SLC2A9: variants seen among roughly 807,000 people sequenced by gnomAD.
The protein encoded by SLC2A9 is solute carrier family 2, facilitated glucose transporter member 9.
A neutral mutation model predicts 50.6 loss-of-function variants in SLC2A9; 39 were observed. The ratio of observed to expected loss-of-function variants is 0.77; its 90% CI spans 0.60 to 1.01. SLC2A9 has a LOEUF of 1.01. Ranked by LOEUF, SLC2A9 falls within the 50% of genes least tolerant of loss-of-function variation. The pLI is 0.00. For synonymous variants in SLC2A9, 324 were observed against 276.9 expected (o/e 1.17, Z -1.69); for missense variants, 686 against 677.6 (o/e 1.01, Z -0.14).
chr4:9,932,148 T>C (rs947801643), intron 6 of SLC2A9, among the ~76,000 whole-genome samples: 1 of 151,546 alleles, frequency 6.6e-6, no homozygotes, highest in Non-Finnish European at 1.5e-5. Context: ...TCTTTCTCCA[T>C]GCCTGCTTCT....
chr4:9,858,932 C>T (rs1731157432), intron 10 of SLC2A9, among the ~76,000 whole-genome samples: 2 of 152,148 alleles, frequency 1.3e-5, no homozygotes, highest in Non-Finnish European at 2.9e-5. Flanking sequence ...GTCTTCCAGC[C>T]TTCATCTTTC....
intron 8 of SLC2A9, among the ~76,000 whole-genome samples, chr4:9,895,356 GTTC>G (rs753180135): frequency 4.3e-4 from 65 of 152,350 alleles, no homozygotes; most frequent in Non-Finnish European, 9.1e-4. Context: ...TCCCGGCTCT[GTTC>G]TTCTTCCCTC....
At chr4:9,771,438 C>T (rs1177186254) in intron 1 of SLC2A9, 1 of 398,756 alleles carries the variant, frequency 2.5e-6, no homozygotes, top group Non-Finnish European at 4.4e-6. Flanking sequence ...ATCTGCAGCA[C>T]TCTGCTCACA....
intron 10 of SLC2A9, among the ~76,000 whole-genome samples, chr4:9,880,843 T>C (rs746868653): frequency 6.6e-6 from 1 of 152,210 alleles, no homozygotes. Flanking sequence ...CTGTCCCAGA[T>C]AACTGCCCTG....
intron 7 of SLC2A9, among the ~76,000 whole-genome samples, chr4:9,917,541 G>A (rs915833900): frequency 3.3e-5 from 5 of 151,538 alleles, no homozygotes; most frequent in African/African-American, 1.2e-4. Context: ...ATGTTGGCCA[G>A]GATGGTCTCA....
chr4:9,930,059 T>C (rs750746422), intron 6 of SLC2A9, among the ~76,000 whole-genome samples: 1 of 152,180 alleles, frequency 6.6e-6, no homozygotes, highest in Non-Finnish European at 1.5e-5. Context: ...ATTCAGACCA[T>C]GACAGCAACT....
At chr4:9,839,428 G>A (rs953116321) in intron 10 of SLC2A9, among the ~76,000 whole-genome samples, 13 of 152,128 alleles carry the variant, frequency 8.5e-5, no homozygotes, top group South Asian at 2.1e-4. Flanking sequence ...CAGTGTGGCC[G>A]TTCCTCAAAG....
At chr4:9,977,893 A>G (rs1755067140) in intron 5 of SLC2A9, among the ~76,000 whole-genome samples, 1 of 152,166 alleles carries the variant, frequency 6.6e-6, no homozygotes, top group Non-Finnish European at 1.5e-5. Flanking sequence ...CACAATACCT[A>G]GCACACAATA....
chr4:9,964,215 G>A lies in SLC2A9; in HGVS notation c.681+16377C>T, dbSNP rs149948828. Reference sequence around the variant, plus strand: ...AATTATACATGTCGTGTAGGTTTCAGAATCTTGGTTCAACAGGGATTGGCC... The same window carrying A: ...AATTATACATGTCGTGTAGGTTTCAAAATCTTGGTTCAACAGGGATTGGCC... On this transcript the variant is annotated intron_variant, in intron 5 of 11. Transcript: ENST00000264784. 2.6e-4 allele frequency among the ~76,000 whole-genome samples: 39 copies of A among 151,872 alleles called. No individual in the cohort carries two copies. In the East Asian group the frequency reaches 6.8e-3, roughly 26 times the overall value.
intron 3 of SLC2A9, among the ~76,000 whole-genome samples, chr4:9,780,799 T>G (rs1446139119): frequency 6.6e-6 from 1 of 152,192 alleles, no homozygotes; most frequent in Admixed American, 6.5e-5. Context: ...TTCTTTTTTT[T>G]CAGTTTGGGT....
intron 7 of SLC2A9, among the ~76,000 whole-genome samples, chr4:9,911,561 A>G (rs1741796006): frequency 6.6e-6 from 1 of 152,208 alleles, no homozygotes; most frequent in African/African-American, 2.4e-5. Context: ...CTGTTCTCGC[A>G]GGTTGCCCCT....
chr4:9,972,563 TA>T (rs10712892), intron 5 of SLC2A9, among the ~76,000 whole-genome samples: 73,182 of 151,812 alleles, frequency 0.48, 18,952 homozygotes, highest in African/African-American at 0.67. Context: ...CAAGTCTCAG[TA>T]GATTCAAAAG....
intron 10 of SLC2A9, 126 bp from the exon 11 acceptor site, chr4:9,835,134 C>A: frequency 7.3e-7 from 1 of 1,367,852 alleles, no homozygotes; most frequent in Non-Finnish European, 1.0e-6. Flanking sequence ...TGTAGTGGGC[C>A]CCAGTTCCTG....
At chr4:9,981,189 G>GTAA (rs201665021) in intron 4 of SLC2A9, among the ~76,000 whole-genome samples, 1 of 149,956 alleles carries the variant, frequency 6.7e-6, no homozygotes. Flanking sequence ...GGTGGTGGTA[G>GTAA]TGATGGTCAT....
chr4:9,821,526 T>A (rs1724399769), downstream of SLC2A9, among the ~76,000 whole-genome samples: 1 of 152,026 alleles, frequency 6.6e-6, no homozygotes, highest in Non-Finnish European at 1.5e-5. Flanking sequence ...AGGGAGAGCA[T>A]TAGGAGAAAT....
rs1039193106 is a variant in SLC2A9, at chr4:9,988,011, G to C, written c.411-2218C>G. Among the ~76,000 whole-genome samples, 5 of 152,366 alleles carry C rather than the reference G, an allele frequency of 3.3e-5. No homozygotes were observed. In the East Asian group the frequency reaches 9.6e-4, roughly 29 times the overall value. The stretch of plus-strand genomic sequence containing the variant: ...CCCCCTGGGGGAGATAGCAGCCACT[G>C]GGAGATTCCAAGGAGAGGAATGACA... On this transcript the variant is annotated intron_variant, in intron 3 of 11. Transcript: ENST00000264784.
intron 1 of SLC2A9, chr4:10,034,403 T>A (rs1764032456): frequency 6.6e-6 from 1 of 152,302 alleles, no homozygotes; most frequent in Admixed American, 6.5e-5. Flanking sequence ...CAGCATGGAA[T>A]CAGTTTCTGG....
chr4:9,887,469 T>C, intron 10 of SLC2A9, 98 bp downstream of exon 10: 1 of 1,225,960 alleles, frequency 8.2e-7, no homozygotes, highest in Non-Finnish European at 1.1e-6. Flanking sequence ...CTTTGCTTCT[T>C]CTGGGCTCTG....
chr4:9,786,744 C>A (rs1472735319), intron 3 of SLC2A9, among the ~76,000 whole-genome samples: 2 of 152,184 alleles, frequency 1.3e-5, no homozygotes, highest in African/African-American at 4.8e-5. Flanking sequence ...AGTAGAGGAA[C>A]CAGGGTTCAC....
Sources: gnomAD v4.1 joint callset for allele counts (sites outside exome capture counted in the v4.1 genomes callset) on GRCh38, gnomAD v4.1.1 for gene constraint, MANE v1.5 for transcripts, NCBI Gene and HGNC (gene_info 2026-07-23, HGNC 2026-07-21) for gene names.